The following MUS81 variants were observed in gnomAD, a reference collection of about 807,000 sequenced individuals.
The protein encoded by MUS81 is structure-specific endonuclease subunit MUS81.
A neutral mutation model predicts 74.2 loss-of-function variants in MUS81; 69 were observed. The ratio of observed to expected loss-of-function variants is 0.93; its 90% CI spans 0.77 to 1.14. MUS81 has a LOEUF of 1.14. Among genes scored for constraint, MUS81 ranks in the 50% most tolerant of loss-of-function variants. MUS81 has a pLI of 0.00. For missense variants in MUS81, 711 were observed against 726.5 expected, an observed-to-expected ratio of 0.98 and a Z score of 0.25; for synonymous variants, 303 against 300.6, an observed-to-expected ratio of 1.01 and a Z score of -0.08.
rs754889802 is a variant in MUS81 at position 65,862,224 on chromosome 11, A to C, written c.464A>C (p.His155Pro). ...CCTTGGTTTCAGAATCCTAATGGTC[A>C]CCACTTCTTAACCAAGGAGGAGCTG... ...LYREHLNPNGHHFLTKEELLQ... is the reference protein window; with the variant it reads ...LYREHLNPNGPHFLTKEELLQ... The change falls in exon 5 of 16, where the codon CAC becomes CCC. Residue 155 changes from histidine to proline, a missense_variant. Transcript: ENST00000308110. 1 of 1,607,800 alleles carries C rather than the reference A, an allele frequency of 6.2e-7. No homozygotes were observed. The highest frequency in any genetic ancestry group is 8.5e-7 in the Non-Finnish European group (1 of 1,174,934).
In MUS81 at chr11:65,861,355, C is replaced by G. The variant is rs767629570; in HGVS notation, c.271C>G (p.His91Asp). The change falls in exon 3 of 16, where the codon CAT becomes GAT. Residue 91 changes from histidine to aspartate, a missense_variant. Physicochemically the swap from His to Asp is moderately conservative, Grantham distance 81. Transcript: ENST00000308110. ...LQRHRTSGGDHAPDSPSGENS... is the reference protein window; with the variant it reads ...LQRHRTSGGDDAPDSPSGENS... Reference sequence around the variant, plus strand: ...AACTCTTTTCTCTCCCGCAGGTGACCATGCCCCGGACTCACCATCTGGAGA... The same window carrying G: ...AACTCTTTTCTCTCCCGCAGGTGACGATGCCCCGGACTCACCATCTGGAGA... 3.8e-6 allele frequency: 6 copies of G among 1,595,566 alleles called. No homozygotes were observed. The East Asian group carries it at 1.4e-4, about 36-fold the overall frequency.
intron 10 of MUS81, 125 bp from the exon 11 acceptor site, chr11:65,864,372 G>A: frequency 1.2e-6 from 1 of 810,238 alleles, no homozygotes; most frequent in South Asian, 1.5e-5. Context: ...GGAGAGGCTA[G>A]GGAGGATGCA....
rs1202730563 is a variant in MUS81, at chr11:65,865,054, G to A, written c.1310G>A (p.Gly437Glu). 5 of 1,614,016 alleles carry A rather than the reference G, an allele frequency of 3.1e-6. No homozygotes were observed. The highest frequency in any genetic ancestry group is 4.2e-6 in the Non-Finnish European group (5 of 1,180,008). ...CGCAGCCGCCCCTGGGGAACCCCTGGGAACCCTGAATCAGGGGCCATGACC... is the reference window on the plus strand; with the variant it reads ...CGCAGCCGCCCCTGGGGAACCCCTGAGAACCCTGAATCAGGGGCCATGACC... Reference protein sequence around the residue: ...TLRSRPWGTPGNPESGAMTSP... With the variant: ...TLRSRPWGTPENPESGAMTSP... The change falls in exon 13 of 16, where the codon GGG (glycine) becomes GAG (glutamate). Residue 437 changes from glycine (G) to glutamate (E), a missense_variant. Gly to Glu is a moderately conservative substitution (Grantham distance 98). Coordinates refer to ENST00000308110, the MANE Select transcript of MUS81 (RefSeq NM_025128.5).
Position 65,865,903 on chromosome 11 carries a change from A to G in MUS81, c.1589+9A>G. 1 of 1,614,162 alleles carries G rather than the reference A, an allele frequency of 6.2e-7. No individual in the cohort carries two copies. Among genetic ancestry groups the G allele is most frequent in the Non-Finnish European group, 8.5e-7 (1 of 1,180,010 alleles). On this transcript the variant is annotated intron_variant, in intron 15 of 15. Coordinates refer to ENST00000308110, the MANE Select transcript of MUS81 (RefSeq NM_025128.5). ...TGTGGGCGTCTACAGAGGTGAGGGC[A>G]AGAGACGGAACCTGGAGGGAGTGGC...
downstream of MUS81, chr11:65,867,194 G>T: frequency 7.7e-7 from 1 of 1,293,182 alleles, no homozygotes; most frequent in Non-Finnish European, 1.1e-6. Flanking sequence ...GCCCTGGCCA[G>T]GCTGCCACCC....
chr11:65,861,764 C>T (rs1453519451), intron 3 of MUS81, 183 bp from the exon 4 acceptor site: 2 of 629,808 alleles, frequency 3.2e-6, no homozygotes, highest in African/African-American at 3.7e-5. Flanking sequence ...CCACCCACTG[C>T]CCCGAAACTG....
Position 65,860,680 on chromosome 11 carries a change from C to A in MUS81, c.-74C>A, listed in dbSNP as rs559749591. 1.3e-6 allele frequency: 2 copies of A among 1,529,998 alleles called. No individual in the cohort carries two copies. The highest frequency in any genetic ancestry group is 4.9e-5 in the East Asian group (2 of 40,816). 94.8% of individuals were successfully genotyped at this position (1,529,998 alleles called of 1,614,324 possible). A position where few individuals can be genotyped will look rare whatever the true frequency, so the allele number is the denominator to read the frequency against. ...CCCGCCCCGCCCTGGGCCAGGTGTT[C>A]GAATCCCGACTCCAGAACTGGCGGC... On this transcript the variant is annotated 5_prime_UTR_variant, in exon 1 of 16. Coordinates refer to ENST00000308110, the MANE Select transcript of MUS81 (RefSeq NM_025128.5).
Position 65,863,874 on chromosome 11 carries a change from C to T in MUS81, c.1032C>T (p.Ile344=). ...RKRLDDLCSS[I]IDGRFREQKF... ...GACTGGATGACCTTTGCAGCAGCATCATCGACGGCCGCTTCCGGGAGCAGA... is the reference window on the plus strand; with the variant it reads ...GACTGGATGACCTTTGCAGCAGCATTATCGACGGCCGCTTCCGGGAGCAGA... The change falls in exon 10 of 16, where the codon ATC becomes ATT. Residue 344 remains isoleucine (I), a synonymous_variant. Transcript: ENST00000308110. The T allele has an allele frequency of 6.2e-7, 1 of 1,614,176 alleles. No individual in the cohort carries two copies. Among genetic ancestry groups the T allele is most frequent in the Non-Finnish European group, 8.5e-7 (1 of 1,180,002 alleles).
At chr11:65,864,937 C>A (rs1377639233) in intron 12 of MUS81, 80 bp from the exon 13 acceptor site, 2 of 1,592,980 alleles carry the variant, frequency 1.3e-6, no homozygotes, top group Non-Finnish European at 8.5e-7. Context: ...GGCTGGCCCC[C>A]CAAGGCTGAG....
At chr11:65,865,388 T>A (rs1037604704) in intron 14 of MUS81, 65 bp downstream of exon 14, 7 of 1,492,062 alleles carry the variant, frequency 4.7e-6, no homozygotes, top group Non-Finnish European at 6.4e-6. Context: ...TTCACCTTAA[T>A]CCATGCTTCG....
chr11:65,861,346 G>A lies in MUS81; in HGVS notation c.266-4G>A, dbSNP rs757729202. On this transcript the variant is annotated splice_region_variant and splice_polypyrimidine_tract_variant and intron_variant, in intron 2 of 15. Transcript: ENST00000308110. The stretch of plus-strand genomic sequence containing the variant: ...TGTGGAGTTAACTCTTTTCTCTCCC[G>A]CAGGTGACCATGCCCCGGACTCACC... 6.3e-7 allele frequency: 1 copy of A among 1,589,688 alleles called. No individual in the cohort carries two copies. The highest frequency in any genetic ancestry group is 1.7e-5 in the Admixed American group (1 of 57,432).
In MUS81 at chr11:65,863,454, C is replaced by CT; in HGVS notation, c.792dup (p.Gly265TrpfsTer54). The CT allele has an allele frequency of 6.2e-7, 1 of 1,614,136 alleles. No individual in the cohort carries two copies. Among genetic ancestry groups the CT allele is most frequent in the South Asian group, 1.1e-5 (1 of 91,080 alleles). ...CAGCAGCAGCCACTGGAGCTGAGGC[C>CT]TGGAGAGTACAGGGTGCTGTTGTGT... On this transcript the variant is annotated frameshift_variant, in exon 8 of 16. Transcript: ENST00000308110. LOFTEE classifies it high-confidence loss of function.
rs950535798 is a variant in MUS81 at position 65,866,108 on chromosome 11, A to G, written c.*56A>G. On this transcript the variant is annotated 3_prime_UTR_variant, in exon 16 of 16. Coordinates refer to ENST00000308110, the MANE Select transcript of MUS81 (RefSeq NM_025128.5). Reference sequence around the variant, plus strand: ...GTCTGTCCCCCAACCCAGGCTAGCCAGCCTTTTAACAACATCTTTTGGGGT... The same window carrying G: ...GTCTGTCCCCCAACCCAGGCTAGCCGGCCTTTTAACAACATCTTTTGGGGT... 7 of 1,533,916 alleles carry G rather than the reference A, an allele frequency of 4.6e-6. No individual in the cohort carries two copies. In the Admixed American group the frequency reaches 9.6e-5, roughly 21 times the overall value.
In MUS81 at chr11:65,861,712, T is replaced by C. The variant is rs1431539899; in HGVS notation, c.352-235T>C. 6.6e-6 allele frequency: 4 copies of C among 604,750 alleles called. No individual in the cohort carries two copies. In the African/African-American group the frequency reaches 7.4e-5, roughly 11 times the overall value. The allele number at this position is 604,750 out of a possible 1,614,324, so 37.5% of individuals were successfully genotyped here. A position where few individuals can be genotyped will look rare whatever the true frequency, so the allele number is the denominator to read the frequency against. On this transcript the variant is annotated intron_variant, in intron 3 of 15. Coordinates refer to ENST00000308110, the MANE Select transcript of MUS81 (RefSeq NM_025128.5). ...TTTTCCTGTCTAATTACACCTGTCC[T>C]GCAGCGCATGGTAGAAGTGAGGCCA...
chr11:65,861,078 C>T lies in MUS81; in HGVS notation c.241C>T (p.Leu81=), dbSNP rs760278675. 1 of 1,612,492 alleles carries T rather than the reference C, an allele frequency of 6.2e-7. No individual in the cohort carries two copies. Among genetic ancestry groups the T allele is most frequent in the African/African-American group, 1.3e-5 (1 of 74,950 alleles). ...DGLCRMLDER[L]QRHRTSGGDH... ...GCTCTGCCGGATGCTGGACGAGCGG[C>T]TGCAGCGGCACCGAACATCGGGCGG... is the stretch of plus-strand genomic sequence containing the variant. Residue 81 remains leucine (L), a synonymous_variant, in exon 2 of 16, where the codon CTG becomes TTG. Coordinates refer to ENST00000308110, the MANE Select transcript of MUS81 (RefSeq NM_025128.5).
chr11:65,866,827 T>A (rs769212889), downstream of MUS81: 24 of 1,530,650 alleles, frequency 1.6e-5, no homozygotes, highest in Middle Eastern at 1.7e-4. Flanking sequence ...ACCAGGACTT[T>A]CTTTCTCCCT....
chr11:65,863,574 C>G (rs1239315458), intron 8 of MUS81, 26 bp from the exon 9 acceptor site: 3 of 1,613,804 alleles, frequency 1.9e-6, no homozygotes, highest in Admixed American at 1.7e-5. Context: ...CTGCTCTGAT[C>G]TAGGCTTCCC....
Position 65,864,797 on chromosome 11 carries a change from C to T in MUS81, c.1254C>T (p.Gly418=). 6.2e-7 allele frequency: 1 copy of T among 1,613,236 alleles called. No individual in the cohort carries two copies. The highest frequency in any genetic ancestry group is 8.5e-7 in the Non-Finnish European group (1 of 1,179,940). Residue 418 remains glycine, a synonymous_variant, in exon 12 of 16, where the codon GGC becomes GGT. Transcript: ENST00000308110. ...CCTACCTGGCCCTCTTGACGCGGGG[C>T]CTGCAGAGACTCTACCAGGTGAGCA... ...SAAYLALLTR[G]LQRLYQGHTL...
Position 65,865,017 on chromosome 11 carries a change from G to T in MUS81, c.1273G>T (p.Gly425Cys). ...LTRGLQRLYQ[G>C]HTLRSRPWGT... Reference sequence around the variant, plus strand: ...TGGCCTCAGTCCCTTCTTCCCTCAGGGCCACACCCTACGCAGCCGCCCCTG... The same window carrying T: ...TGGCCTCAGTCCCTTCTTCCCTCAGTGCCACACCCTACGCAGCCGCCCCTG... Residue 425 changes from glycine (G) to cysteine (C), a missense_variant and splice_region_variant, in exon 13 of 16, where the codon GGC (glycine) becomes TGC (cysteine). By Grantham distance (159) the Gly-to-Cys change is radical (BLOSUM62 -3). Transcript: ENST00000308110. The T allele has an allele frequency of 6.2e-7, 1 of 1,613,304 alleles. No homozygotes were observed. The highest frequency in any genetic ancestry group is 8.5e-7 in the Non-Finnish European group (1 of 1,179,978).
Sources: allele counts gnomAD v4.1 joint callset, GRCh38; gene constraint gnomAD v4.1.1; transcripts MANE v1.5; gene names NCBI Gene and HGNC (gene_info 2026-07-23, HGNC 2026-07-21).